MYH11: variants seen among roughly 807,000 people sequenced by gnomAD.
The protein encoded by MYH11 is myosin heavy chain 11.
In MYH11, 80 loss-of-function variants were observed where a neutral mutation model predicts 246.6. That is an observed-to-expected ratio of 0.32 (90% CI 0.27 to 0.39). The LOEUF (loss-of-function observed/expected upper bound fraction) is 0.39, where lower values mean the gene tolerates loss of function less well. Ranked by LOEUF, MYH11 falls within the 10% of genes least tolerant of loss-of-function variation. MYH11 has a pLI of 1.00. For missense variants in MYH11, 2,158 were observed against 2,546.8 expected (o/e 0.85, Z 3.29); for synonymous variants, 1,071 against 1,015.5 (o/e 1.05, Z -1.04).
At chr16:15,705,321 G>C (rs533052437) in intron 40 of MYH11, among the ~76,000 whole-genome samples, 1 of 152,148 alleles carries the variant, frequency 6.6e-6, no homozygotes, top group Admixed American at 6.5e-5. Context: ...GGACACCCCT[G>C]TCTCTCCTTA....
intron 40 of MYH11, among the ~76,000 whole-genome samples, chr16:15,707,673 C>A (rs1445424364): frequency 6.6e-6 from 1 of 152,186 alleles, no homozygotes; most frequent in Non-Finnish European, 1.5e-5. Flanking sequence ...GAAGTCAGAT[C>A]CACATGGCCT....
intron 3 of MYH11, among the ~76,000 whole-genome samples, chr16:15,822,493 G>T (rs1351937693): frequency 6.6e-6 from 1 of 152,046 alleles, no homozygotes; most frequent in Non-Finnish European, 1.5e-5. Flanking sequence ...AACCAGTATA[G>T]CAAGATCCTG....
At chr16:15,742,561 A>AC (rs1167552901) in intron 20 of MYH11, among the ~76,000 whole-genome samples, 1 of 151,748 alleles carries the variant, frequency 6.6e-6, no homozygotes. Flanking sequence ...ACATCATGAG[A>AC]CCCCATCTCT....
rs1208077854 is a variant in MYH11, at chr16:15,823,324, T to G, written c.433A>C (p.Lys145Gln). 3 of 1,614,220 alleles carry G rather than the reference T, an allele frequency of 1.9e-6. No homozygotes were observed. The South Asian group carries it at 3.3e-5, about 18-fold the overall frequency. Residue 145 changes from lysine to glutamine, a missense_variant, in exon 3 of 41, where the codon AAG becomes CAG. Lys to Gln is a moderately conservative substitution (Grantham distance 53, BLOSUM62 1). Coordinates refer to ENST00000300036, the MANE Select transcript of MYH11 (RefSeq NM_002474.3). ...TGAGGCGGCATCTCGTGCCTCTTCT[T>G]GCCCTTGTACATGTCGACGATCTTC... ...SEKIVDMYKGKKRHEMPPHIY... is the reference protein window; with the variant it reads ...SEKIVDMYKGQKRHEMPPHIY...
chr16:15,836,240 C>A (rs1199357979), intron 2 of MYH11, among the ~76,000 whole-genome samples: 2 of 152,142 alleles, frequency 1.3e-5, no homozygotes, highest in Admixed American at 1.3e-4. Flanking sequence ...AAGCCCCAAT[C>A]ATCTAGTCCA....
At position 15,724,358 on chromosome 16, in the gene MYH11, G is replaced by C; in HGVS notation, c.4168C>G (p.Leu1390Val). Residue 1390 changes from leucine (L) to valine (V), a missense_variant, in exon 31 of 41, where the codon CTG becomes GTG. Leu to Val is a conservative substitution (Grantham distance 32, BLOSUM62 1). Around this residue, in one of 11 missense-constraint regions of MYH11, gnomAD observed 1,013 missense variants for 993.5 expected, o/e 1.02. Transcript: ENST00000300036. ...LQDFASTVEA[L>V]EEGKKRFQKE... ...TGGAACCTCTTCTTCCCCTCTTCCA[G>C]AGCTTCCACGGTGCTGGCAAAGTCC... 1 of 1,614,096 alleles carries C rather than the reference G, an allele frequency of 6.2e-7. No individual in the cohort carries two copies.
Position 15,773,290 on chromosome 16 carries a change from A to ATTTTTT in MYH11, c.890-1584_890-1579dup, listed in dbSNP as rs34265896. ...ATACTACCTTTCCTTTCCTCCAGCT[A>ATTTTTT]TTTTTTTTTTTTTTTTTGAGAGGGA... On this transcript the variant is annotated intron_variant, in intron 8 of 40. Coordinates refer to ENST00000300036, the MANE Select transcript of MYH11 (RefSeq NM_002474.3). Among the ~76,000 whole-genome samples the ATTTTTT allele has an allele frequency of 4.4e-4, 56 of 128,624 alleles. 1 individual carries two copies. Among genetic ancestry groups the ATTTTTT allele is most frequent in the African/African-American group, 5.3e-4 (18 of 34,144 alleles). 84.4% of individuals were successfully genotyped at this position (128,624 alleles called of 152,430 possible).
chr16:15,722,742 CATTTT>C (rs571589541), intron 31 of MYH11, among the ~76,000 whole-genome samples: 5 of 152,202 alleles, frequency 3.3e-5, no homozygotes, highest in Admixed American at 6.6e-5. Context: ...GTACAATCCT[CATTTT>C]ATTTATTTTT....
intron 3 of MYH11, among the ~76,000 whole-genome samples, chr16:15,821,132 A>G (rs553986430): frequency 6.6e-6 from 1 of 152,354 alleles, no homozygotes; most frequent in Admixed American, 6.5e-5. Flanking sequence ...TGGGCTTCCC[A>G]AAGTGCCAGG....
rs2040460044 is a variant in MYH11, at chr16:15,721,229, C to T, written c.4579-178G>A. 3.2e-6 allele frequency: 3 copies of T among 939,288 alleles called. No homozygotes were observed. The Admixed American group carries it at 6.1e-5, about 19-fold the overall frequency. The allele number at this position is 939,288 out of a possible 1,614,324, so 58.2% of individuals were successfully genotyped here. A position where few individuals can be genotyped will look rare whatever the true frequency, so the allele number is the denominator to read the frequency against. ...CAGACCCCAGCCTTATCCTCGGACC[C>T]CCCAACTCAGACCCATCCTCGACTG... is the stretch of plus-strand genomic sequence containing the variant. On this transcript the variant is annotated intron_variant, in intron 32 of 40. Transcript: ENST00000300036.
intron 9 of MYH11, among the ~76,000 whole-genome samples, chr16:15,766,379 G>GTGTA (rs36101066): frequency 1.4e-5 from 2 of 146,866 alleles, no homozygotes; most frequent in Non-Finnish European, 3.0e-5. Flanking sequence ...GTGTGTGTGT[G>GTGTA]TGTGTGTGTG....
chr16:15,829,038 G>A (rs2043654324), intron 2 of MYH11, among the ~76,000 whole-genome samples: 1 of 151,902 alleles, frequency 6.6e-6, no homozygotes, highest in Admixed American at 6.6e-5. Flanking sequence ...ACAAAAATTA[G>A]CTGGGTGTGG....
At position 15,838,035 on chromosome 16, in the gene MYH11, T is replaced by A; in HGVS notation, c.218A>T (p.Lys73Ile). 6.2e-7 allele frequency: 1 copy of A among 1,614,042 alleles called. No homozygotes were observed. The highest frequency in any genetic ancestry group is 1.1e-5 in the South Asian group (1 of 91,072). The part of the protein sequence containing the change: ...VENGKKVTVG[K>I]DDIQKMNPPK... ...TGGGTTCATCTTCTGGATGTCATCT[T>A]TCCCAACCGTGACCTTCTTGCCATT... is the stretch of plus-strand genomic sequence containing the variant. Residue 73 changes from lysine (K) to isoleucine (I), a missense_variant, in exon 2 of 41, where the codon AAA (lysine) becomes ATA (isoleucine). Coordinates refer to ENST00000300036, the MANE Select transcript of MYH11 (RefSeq NM_002474.3).
intron 8 of MYH11, among the ~76,000 whole-genome samples, chr16:15,773,597 T>C (rs964237204): frequency 6.6e-6 from 1 of 152,234 alleles, no homozygotes; most frequent in South Asian, 2.1e-4. Context: ...CCCCCAGCTA[T>C]TTTTAGTTGA....
intron 9 of MYH11, 77 bp from the exon 10 acceptor site, chr16:15,763,968 AC>A: frequency 8.8e-7 from 1 of 1,135,546 alleles, no homozygotes; most frequent in Non-Finnish European, 1.3e-6. Context: ...GCCTAAAGCC[AC>A]TGGGGACCCA....
At chr16:15,784,775 C>T (rs1354876409) in intron 5 of MYH11, 1 of 1,597,732 alleles carries the variant, frequency 6.3e-7, no homozygotes, top group Non-Finnish European at 8.6e-7. Flanking sequence ...ATCACATGGA[C>T]ATCAGGGGCT....
chr16:15,759,829 G>A, intron 11 of MYH11, 101 bp from the exon 12 acceptor site: 1 of 1,442,980 alleles, frequency 6.9e-7, no homozygotes, highest in Non-Finnish European at 9.5e-7. Flanking sequence ...CGGGTGCAGT[G>A]ACTCACACTG....
intron 2 of MYH11, among the ~76,000 whole-genome samples, chr16:15,835,208 G>A (rs1274615611): frequency 6.6e-6 from 1 of 152,026 alleles, no homozygotes; most frequent in Non-Finnish European, 1.5e-5. Flanking sequence ...CCCCATGACA[G>A]ATTCTATACT....
intron 25 of MYH11, among the ~76,000 whole-genome samples, chr16:15,736,063 A>G (rs572302320): frequency 1.3e-5 from 2 of 152,334 alleles, no homozygotes; most frequent in South Asian, 4.1e-4. Flanking sequence ...GGTGGTGACC[A>G]GAGATCAAGG....
Sources: gnomAD v4.1 joint callset for allele counts (sites outside exome capture counted in the v4.1 genomes callset) on GRCh38, gnomAD v4.1.1 for gene constraint, gnomAD v4.1.1 regional missense constraint, MANE v1.5 for transcripts, NCBI Gene and HGNC (gene_info 2026-07-23, HGNC 2026-07-21) for gene names.